The following SLCO1C1 variants were observed in gnomAD, a reference collection of about 807,000 sequenced individuals.
The protein encoded by SLCO1C1 is solute carrier organic anion transporter family member 1C1, also known as OAT-RP-5.
A neutral mutation model predicts 76.4 loss-of-function variants in SLCO1C1; 70 were observed. That is an observed-to-expected ratio of 0.92 (90% CI 0.76 to 1.12). The LOEUF is 1.12. Ranked by LOEUF, SLCO1C1 falls within the 50% of genes most tolerant of loss-of-function variation. The pLI, the probability that SLCO1C1 is intolerant of heterozygous loss-of-function variation, is 0.00. For synonymous variants in SLCO1C1, 306 were observed against 286.1 expected (o/e 1.07, Z -0.70); for missense variants, 912 against 823.8 (o/e 1.11, Z -1.31).
intron 5 of SLCO1C1, among the ~76,000 whole-genome samples, chr12:20,714,772 G>A (rs1168673646): frequency 6.6e-6 from 1 of 152,080 alleles, no homozygotes; most frequent in African/African-American, 2.4e-5. Context: ...TAAAAATTAA[G>A]GTGAGAAAGA....
At position 20,724,218 on chromosome 12, in the gene SLCO1C1, C is replaced by T. The variant is rs570889964; in HGVS notation, c.1186+964C>T. 2.0e-5 allele frequency among the ~76,000 whole-genome samples: 3 copies of T among 151,656 alleles called. No individual in the cohort carries two copies. The East Asian group carries it at 5.8e-4, about 29-fold the overall frequency. The stretch of plus-strand genomic sequence containing the variant: ...AATATTTTGTGGCTTTTTTCTCCAA[C>T]ACCCCATGCATGCTAATCAATGCTT... On this transcript the variant is annotated intron_variant, in intron 9 of 14. Coordinates refer to ENST00000266509, the MANE Select transcript of SLCO1C1 (RefSeq NM_017435.5).
At chr12:20,741,869 A>T (rs1948832587) in intron 12 of SLCO1C1, among the ~76,000 whole-genome samples, 1 of 152,238 alleles carries the variant, frequency 6.6e-6, no homozygotes, top group Non-Finnish European at 1.5e-5. Flanking sequence ...TTTACTAGAA[A>T]TCAGTATTTA....
Position 20,711,377 on chromosome 12 carries a change from C to G in SLCO1C1, c.405-9C>G, listed in dbSNP as rs769319896. 8 of 1,610,676 alleles carry G rather than the reference C, an allele frequency of 5.0e-6. No individual in the cohort carries two copies. The highest frequency in any genetic ancestry group is 5.9e-6 in the Non-Finnish European group (7 of 1,178,650). Reference sequence around the variant, plus strand: ...AGTCTATCATGAAGAAAACATTCCTCTTATGCAGGTACAAATATGAGAGAT... The same window carrying G: ...AGTCTATCATGAAGAAAACATTCCTGTTATGCAGGTACAAATATGAGAGAT... On this transcript the variant is annotated splice_polypyrimidine_tract_variant and intron_variant, in intron 4 of 14. Transcript: ENST00000266509.
intron 9 of SLCO1C1, among the ~76,000 whole-genome samples, chr12:20,725,245 AAAAAT>A (rs1947916171): frequency 7.1e-6 from 1 of 139,890 alleles, no homozygotes; most frequent in African/African-American, 2.6e-5. Context: ...AAATACAAAT[AAAAAT>A]ATGTATTTTA....
chr12:20,709,380 A>G (rs1946946406), intron 4 of SLCO1C1, among the ~76,000 whole-genome samples: 4 of 152,158 alleles, frequency 2.6e-5, no homozygotes. Flanking sequence ...TGAAATCAAA[A>G]TAATTATGAT....
chr12:20,730,060 G>A (rs1237888675), intron 9 of SLCO1C1, among the ~76,000 whole-genome samples: 1 of 152,058 alleles, frequency 6.6e-6, no homozygotes, highest in Non-Finnish European at 1.5e-5. Context: ...TACAGACAAG[G>A]TTACACCTTG....
At chr12:20,750,309 A>T (rs1043578856) in intron 13 of SLCO1C1, among the ~76,000 whole-genome samples, 7 of 152,204 alleles carry the variant, frequency 4.6e-5, no homozygotes, top group African/African-American at 1.7e-4. Context: ...TCCGGGACAG[A>T]TTAAATATAG....
chr12:20,716,442 C>T (rs998809185), intron 6 of SLCO1C1, among the ~76,000 whole-genome samples: 3 of 152,290 alleles, frequency 2.0e-5, no homozygotes, highest in Admixed American at 6.5e-5. Flanking sequence ...CTTAATCTCC[C>T]ATGAATATGT....
At chr12:20,745,941 T>C (rs1243550021) in intron 13 of SLCO1C1, among the ~76,000 whole-genome samples, 1 of 152,184 alleles carries the variant, frequency 6.6e-6, no homozygotes, top group African/African-American at 2.4e-5. Flanking sequence ...TTCCATCTCC[T>C]GAAAATTCTA....
chr12:20,717,648 C>CTTTTTTTTTTTTTTTTTTTTTTTTT (rs534946900), intron 7 of SLCO1C1, among the ~76,000 whole-genome samples: 1 of 42,276 alleles, frequency 2.4e-5, no homozygotes, highest in African/African-American at 6.8e-5. Flanking sequence ...AACAGCCCTT[C>CTTTTTTTTTTTTTTTTTTTTTTTTT]TTTTTTTTTT....
At chr12:20,695,928 G>A (rs1946245344) in intron 1 of SLCO1C1, 121 bp downstream of exon 1, 1 of 152,072 alleles carries the variant, frequency 6.6e-6, no homozygotes, top group Non-Finnish European at 1.5e-5. Context: ...GAAAGGTGAT[G>A]ATCCCCTCAT....
At position 20,701,315 on chromosome 12, in the gene SLCO1C1, C is replaced by T; in HGVS notation, c.130-3C>T. The T allele has an allele frequency of 6.7e-7, 1 of 1,492,186 alleles. No individual in the cohort carries two copies. Among genetic ancestry groups the T allele is most frequent in the South Asian group, 1.4e-5 (1 of 73,186 alleles). 92.4% of individuals were successfully genotyped at this position (1,492,186 alleles called of 1,614,324 possible). ...ACTAAGTGTGACCTGTCATATTTTC[C>T]AGGTGTTCTTGTGTGCCTTGTCTTT... On this transcript the variant is annotated splice_region_variant and splice_polypyrimidine_tract_variant and intron_variant, in intron 2 of 14. Coordinates refer to ENST00000266509, the MANE Select transcript of SLCO1C1 (RefSeq NM_017435.5).
At chr12:20,701,284 A>C in intron 2 of SLCO1C1, 34 bp from the exon 3 acceptor site, 1 of 1,436,318 alleles carries the variant, frequency 7.0e-7, no homozygotes, top group Non-Finnish European at 9.3e-7. Context: ...GTCAAGCTGG[A>C]GTCAGACTAA....
At position 20,737,178 on chromosome 12, in the gene SLCO1C1, C is replaced by A; in HGVS notation, c.1454C>A (p.Thr485Lys). 3 of 1,564,542 alleles carry A rather than the reference C, an allele frequency of 1.9e-6. No individual in the cohort carries two copies. Among genetic ancestry groups the A allele is most frequent in the South Asian group, 1.2e-5 (1 of 82,112 alleles). Residue 485 changes from threonine to lysine, a missense_variant, in exon 11 of 15, where the codon ACA (threonine) becomes AAA (lysine). Physicochemically the swap from Thr to Lys is moderately conservative, Grantham distance 78. Transcript: ENST00000266509. ...AACTCAAGATGCAAATGTTCAGAGA[C>A]AAAATGGGAACCCATGTGCGGTGAA... ...DCNSRCKCSE[T>K]KWEPMCGENG...
chr12:20,736,608 A>G (rs1344848941), intron 10 of SLCO1C1, among the ~76,000 whole-genome samples: 3 of 152,162 alleles, frequency 2.0e-5, no homozygotes, highest in African/African-American at 4.8e-5. Flanking sequence ...AAACACTGAA[A>G]GAGAATTAAC....
intron 10 of SLCO1C1, among the ~76,000 whole-genome samples, chr12:20,735,343 G>A (rs1418504759): frequency 6.6e-6 from 1 of 152,072 alleles, no homozygotes; most frequent in Non-Finnish European, 1.5e-5. Context: ...TTCCAGGTTT[G>A]TCACTAGCAA....
chr12:20,702,201 A>C (rs1946559041), intron 3 of SLCO1C1, among the ~76,000 whole-genome samples: 1 of 151,952 alleles, frequency 6.6e-6, no homozygotes, highest in African/African-American at 2.4e-5. Context: ...TCAGATATAC[A>C]CCATAGTAAA....
chr12:20,706,016 A>G lies in SLCO1C1; in HGVS notation c.339A>G (p.Gly113=), dbSNP rs1946754778. The G allele has an allele frequency of 1.9e-6, 3 of 1,613,386 alleles. No individual in the cohort carries two copies. In the Admixed American group the frequency reaches 5.0e-5, roughly 27 times the overall value. Reference sequence around the variant, plus strand: ...AACTTCACAGGCCAAAAATAATTGGAGCAGGGTGTGTAATCATGGGAGTTG... The same window carrying G: ...AACTTCACAGGCCAAAAATAATTGGGGCAGGGTGTGTAATCATGGGAGTTG... The part of the protein sequence containing the change: ...GAKLHRPKII[G]AGCVIMGVGT... The change falls in exon 4 of 15, where the codon GGA becomes GGG. Residue 113 remains glycine, a synonymous_variant. Coordinates refer to ENST00000266509, the MANE Select transcript of SLCO1C1 (RefSeq NM_017435.5).
At chr12:20,703,349 G>T (rs1251539145) in intron 3 of SLCO1C1, among the ~76,000 whole-genome samples, 3 of 151,778 alleles carry the variant, frequency 2.0e-5, no homozygotes, top group African/African-American at 7.3e-5. Context: ...GAGTTTTGTG[G>T]ACAAATTGTC....
Sources: gnomAD v4.1 joint callset for allele counts (sites outside exome capture counted in the v4.1 genomes callset) on GRCh38, gnomAD v4.1.1 for gene constraint, MANE v1.5 for transcripts, NCBI Gene and HGNC (gene_info 2026-07-23, HGNC 2026-07-21) for gene names.